The following TRAPPC9 variants were observed in gnomAD, a reference collection of about 807,000 sequenced individuals.
TRAPPC9 encodes trafficking protein particle complex subunit 9, also known as IKK2 binding protein.
In TRAPPC9, 83 loss-of-function variants were observed where a neutral mutation model predicts 124.0. The ratio of observed to expected loss-of-function variants is 0.67; its 90% CI spans 0.56 to 0.80. The LOEUF (loss-of-function observed/expected upper bound fraction) is 0.80, where lower values mean the gene tolerates loss of function less well. TRAPPC9 is among the 30% of genes least tolerant of loss of function. The pLI, the probability that TRAPPC9 is intolerant of heterozygous loss-of-function variation, is 0.00. For missense variants in TRAPPC9, 1,302 were observed against 1,508.3 expected, an observed-to-expected ratio of 0.86 and a Z score of 2.27; for synonymous variants, 638 against 617.5, an observed-to-expected ratio of 1.03 and a Z score of -0.49.
intron 21 of TRAPPC9, among the ~76,000 whole-genome samples, chr8:139,750,125 T>C (rs967115672): frequency 6.6e-5 from 10 of 152,088 alleles, no homozygotes; most frequent in Non-Finnish European, 1.3e-4. Flanking sequence ...GCTGTCCCAG[T>C]GTGGCATAGA....
At chr8:140,278,850 G>A (rs4075648) in intron 14 of TRAPPC9, among the ~76,000 whole-genome samples, 35,602 of 152,132 alleles carry the variant, frequency 0.23, 5,304 homozygotes, top group East Asian at 0.72. Flanking sequence ...GCGTCTCCTC[G>A]GCAGAGGCCT....
At chr8:140,305,764 A>T (rs1588127788) in intron 10 of TRAPPC9, among the ~76,000 whole-genome samples, 1 of 152,358 alleles carries the variant, frequency 6.6e-6, no homozygotes, top group East Asian at 1.9e-4. Flanking sequence ...TGAAACCTCT[A>T]TAAGAACTCA....
Position 140,221,534 on chromosome 8 carries a change from G to A in TRAPPC9, c.2481C>T (p.Val827=), listed in dbSNP as rs747013383. 31 of 1,613,994 alleles carry A rather than the reference G, an allele frequency of 1.9e-5. No individual in the cohort carries two copies. The highest frequency in any genetic ancestry group is 6.7e-5 in the East Asian group (3 of 44,886). The change falls in exon 17 of 23, where the codon GTC becomes GTT. Residue 827 remains valine, a synonymous_variant. Coordinates refer to ENST00000438773, the MANE Select transcript of TRAPPC9 (RefSeq NM_001160372.4). ...GFPLSSPFRQ[V]VRPRVEGKPV... ...GTTTGCCCTCCACTCGGGGCCGAAC[G>A]ACCTGCCGAAAAGGACTGGACAGGG...
At chr8:139,852,087 G>A (rs780959703) in intron 21 of TRAPPC9, among the ~76,000 whole-genome samples, 1 of 152,196 alleles carries the variant, frequency 6.6e-6, no homozygotes, top group Non-Finnish European at 1.5e-5. Context: ...GTGATAGTGA[G>A]TACGTCTCAT....
intron 17 of TRAPPC9, among the ~76,000 whole-genome samples, chr8:140,051,507 C>T (rs1841997655): frequency 7.3e-6 from 1 of 137,844 alleles, no homozygotes; most frequent in Non-Finnish European, 1.7e-5. Context: ...AAGGGTGCTG[C>T]ATACACCTGC....
intron 17 of TRAPPC9, among the ~76,000 whole-genome samples, chr8:140,179,990 TTGA>T (rs1332276039): frequency 1.6e-5 from 2 of 127,332 alleles, no homozygotes; most frequent in African/African-American, 5.7e-5. Flanking sequence ...TAGTTATATC[TTGA>T]TTTTTTTTTT....
chr8:140,025,540 T>C (rs1263117745), intron 17 of TRAPPC9, among the ~76,000 whole-genome samples: 1 of 133,058 alleles, frequency 7.5e-6, no homozygotes, highest in Non-Finnish European at 1.6e-5. Context: ...TTCATGGATA[T>C]GACACCAAAA....
chr8:139,899,904 T>G (rs925015644), intron 20 of TRAPPC9, among the ~76,000 whole-genome samples: 3 of 152,168 alleles, frequency 2.0e-5, no homozygotes, highest in African/African-American at 7.2e-5. Flanking sequence ...TATGTACATT[T>G]GGAGACTCTT....
intron 19 of TRAPPC9, among the ~76,000 whole-genome samples, chr8:139,920,334 A>G (rs1050794979): frequency 1.3e-5 from 2 of 152,246 alleles, no homozygotes; most frequent in Non-Finnish European, 1.5e-5. Flanking sequence ...TGATAGAGTG[A>G]AAGTCTGTCT....
intron 18 of TRAPPC9, among the ~76,000 whole-genome samples, chr8:140,012,462 C>T (rs929545726): frequency 3.3e-5 from 5 of 152,214 alleles, no homozygotes; most frequent in South Asian, 2.1e-4. Flanking sequence ...GGACCCCATG[C>T]GCTGCAGGCT....
chr8:140,112,191 T>C (rs1409006613), intron 17 of TRAPPC9, among the ~76,000 whole-genome samples: 2 of 152,118 alleles, frequency 1.3e-5, no homozygotes, highest in African/African-American at 2.4e-5. Flanking sequence ...AGGAGAGTAA[T>C]GGAGAATTCC....
At chr8:139,835,526 T>C (rs1826277553) in intron 21 of TRAPPC9, among the ~76,000 whole-genome samples, 3 of 152,296 alleles carry the variant, frequency 2.0e-5, no homozygotes, top group South Asian at 4.1e-4. Flanking sequence ...AGGTATCTAT[T>C]TTTGTATCCA....
At chr8:140,369,364 T>C (rs890859217) in intron 8 of TRAPPC9, among the ~76,000 whole-genome samples, 5 of 152,140 alleles carry the variant, frequency 3.3e-5, no homozygotes, top group Non-Finnish European at 4.4e-5. Flanking sequence ...ATTTCCACTG[T>C]AGAGGGCAGA....
intron 2 of TRAPPC9, among the ~76,000 whole-genome samples, chr8:140,441,999 T>C (rs1199923662): frequency 1.3e-5 from 2 of 151,976 alleles, no homozygotes; most frequent in African/African-American, 4.8e-5. Flanking sequence ...TTGCCACTGC[T>C]CTCTAATCTG....
At chr8:140,245,267 C>T (rs1466889900) in intron 16 of TRAPPC9, among the ~76,000 whole-genome samples, 1 of 152,184 alleles carries the variant, frequency 6.6e-6, no homozygotes, top group African/African-American at 2.4e-5. Context: ...CTCGATTTGC[C>T]CATCCCAATG....
At chr8:139,856,179 C>A (rs1827788147) in intron 21 of TRAPPC9, among the ~76,000 whole-genome samples, 1 of 152,128 alleles carries the variant, frequency 6.6e-6, no homozygotes, top group Non-Finnish European at 1.5e-5. Context: ...TCAGCCAGGG[C>A]CCCTCAGATG....
At chr8:140,129,385 T>C (rs1191136125) in intron 17 of TRAPPC9, among the ~76,000 whole-genome samples, 1 of 151,802 alleles carries the variant, frequency 6.6e-6, no homozygotes, top group Non-Finnish European at 1.5e-5. Context: ...CTGAGCAGGG[T>C]ACGGGGTCCT....
At chr8:140,226,172 A>G (rs571935294) in intron 16 of TRAPPC9, among the ~76,000 whole-genome samples, 16 of 152,154 alleles carry the variant, frequency 1.1e-4, no homozygotes, top group East Asian at 3.9e-4. Context: ...CATCCCATCA[A>G]CAGTGTGTAT....
intron 17 of TRAPPC9, among the ~76,000 whole-genome samples, chr8:140,089,864 G>A (rs1844448413): frequency 6.6e-6 from 1 of 152,062 alleles, no homozygotes; most frequent in African/African-American, 2.4e-5. Flanking sequence ...CATATCACGA[G>A]GTGAGGAGAT....
Sources: allele counts gnomAD v4.1 joint callset (sites outside exome capture counted in the v4.1 genomes callset), GRCh38; gene constraint gnomAD v4.1.1; transcripts MANE v1.5; gene names NCBI Gene and HGNC (gene_info 2026-07-23, HGNC 2026-07-21).